The following FCHSD2 variants were observed in gnomAD, a reference collection of about 807,000 sequenced individuals.
FCHSD2 encodes the protein F-BAR and double SH3 domains protein 2.
In FCHSD2, 38 loss-of-function variants were observed where a neutral mutation model predicts 108.1. The ratio of observed to expected loss-of-function variants is 0.35; its 90% CI spans 0.27 to 0.46. FCHSD2 has a LOEUF of 0.46. Ranked by LOEUF, FCHSD2 falls within the 20% of genes least tolerant of loss-of-function variation. The pLI, the probability that FCHSD2 is intolerant of heterozygous loss-of-function variation, is 1.00. For missense variants in FCHSD2, 751 were observed against 897.8 expected (o/e 0.84, Z 2.09); for synonymous variants, 279 against 314.7 (o/e 0.89, Z 1.20).
chr11:73,112,492 G>C (rs1860509257), intron 2 of FCHSD2, among the ~76,000 whole-genome samples: 1 of 152,088 alleles, frequency 6.6e-6, no homozygotes, highest in South Asian at 2.1e-4. Context: ...AATCTGCTTG[G>C]TGTTCTATAT....
At chr11:72,861,889 C>G (rs1198429900) in intron 13 of FCHSD2, among the ~76,000 whole-genome samples, 3 of 149,736 alleles carry the variant, frequency 2.0e-5, no homozygotes, top group African/African-American at 7.4e-5. Context: ...TGAGATCATG[C>G]CATTGCACTC....
chr11:72,979,539 T>C (rs1003984041), intron 8 of FCHSD2, among the ~76,000 whole-genome samples: 7 of 152,158 alleles, frequency 4.6e-5, no homozygotes, highest in Non-Finnish European at 1.0e-4. Context: ...AGAACTAGGA[T>C]GGCTTTGGAT....
chr11:72,891,713 T>C (rs575811555), intron 10 of FCHSD2, among the ~76,000 whole-genome samples: 35 of 152,364 alleles, frequency 2.3e-4, no homozygotes, highest in African/African-American at 6.3e-4. Context: ...TTTGAATCCA[T>C]TGTATGCCAT....
At chr11:73,053,805 G>T (rs1858958494) in intron 3 of FCHSD2, among the ~76,000 whole-genome samples, 1 of 152,140 alleles carries the variant, frequency 6.6e-6, no homozygotes, top group Non-Finnish European at 1.5e-5. Flanking sequence ...TATATTAATA[G>T]AAGATATCTT....
intron 2 of FCHSD2, among the ~76,000 whole-genome samples, chr11:73,114,403 A>G (rs1052440115): frequency 6.6e-6 from 1 of 151,830 alleles, no homozygotes; most frequent in Non-Finnish European, 1.5e-5. Context: ...AGAGGCCCCA[A>G]GAGCCTGCTT....
At position 72,989,719 on chromosome 11, in the gene FCHSD2, ACT is replaced by A. The variant is rs1332544340; in HGVS notation, c.388-624_388-623del. On this transcript the variant is annotated intron_variant, in intron 5 of 19. Transcript: ENST00000409418. ...AACTAAAACAATGTTTAATCAATTA[ACT>A]CTTATAACACACCGGGGCCAAGCAA... 2.6e-5 allele frequency among the ~76,000 whole-genome samples: 4 copies of A among 152,264 alleles called. No individual in the cohort carries two copies. In the East Asian group the frequency reaches 7.7e-4, roughly 29 times the overall value.
At chr11:72,972,681 G>A (rs766281321) in intron 8 of FCHSD2, among the ~76,000 whole-genome samples, 6 of 152,152 alleles carry the variant, frequency 3.9e-5, no homozygotes, top group Admixed American at 6.5e-5. Flanking sequence ...GAGTCACAGG[G>A]AACCAATCAT....
chr11:72,865,859 T>C (rs946873762), intron 13 of FCHSD2, among the ~76,000 whole-genome samples: 5 of 152,204 alleles, frequency 3.3e-5, no homozygotes, highest in African/African-American at 9.7e-5. Context: ...TCAAGTGTGC[T>C]ACACAGTAGT....
chr11:72,861,931 CAAA>C (rs35078687), intron 13 of FCHSD2, among the ~76,000 whole-genome samples: 21 of 109,538 alleles, frequency 1.9e-4, no homozygotes, highest in Admixed American at 2.8e-4. Flanking sequence ...AACGCCGTCT[CAAA>C]AAAAAAAAAA....
At chr11:72,935,914 C>G (rs1856290671) in intron 8 of FCHSD2, among the ~76,000 whole-genome samples, 1 of 152,198 alleles carries the variant, frequency 6.6e-6, no homozygotes, top group Admixed American at 6.5e-5. Context: ...TTACTACTAG[C>G]ATGCAAGATA....
chr11:72,970,120 G>A (rs1017957647), intron 8 of FCHSD2, among the ~76,000 whole-genome samples: 6 of 152,148 alleles, frequency 3.9e-5, no homozygotes, highest in Admixed American at 2.6e-4. Flanking sequence ...ACTAGAGGGA[G>A]GTACTTGATA....
intron 8 of FCHSD2, among the ~76,000 whole-genome samples, chr11:72,937,239 A>C (rs1437488574): frequency 1.3e-5 from 2 of 152,166 alleles, no homozygotes; most frequent in Non-Finnish European, 2.9e-5. Flanking sequence ...AATCAGAAAA[A>C]CGTATAGATT....
chr11:72,967,519 C>T (rs1301329946), intron 8 of FCHSD2, among the ~76,000 whole-genome samples: 1 of 152,048 alleles, frequency 6.6e-6, no homozygotes, highest in Non-Finnish European at 1.5e-5. Context: ...CACAAATGGG[C>T]CACATATTGT....
intron 8 of FCHSD2, among the ~76,000 whole-genome samples, chr11:72,923,235 A>G (rs904130284): frequency 2.6e-5 from 4 of 152,322 alleles, no homozygotes; most frequent in South Asian, 2.1e-4. Context: ...AAAGTTAAAA[A>G]ATAAATAAAT....
chr11:73,060,978 G>A (rs960609738), intron 3 of FCHSD2, among the ~76,000 whole-genome samples: 1 of 152,210 alleles, frequency 6.6e-6, no homozygotes, highest in African/African-American at 2.4e-5. Flanking sequence ...ATATAGAACT[G>A]TTGATAAATA....
intron 8 of FCHSD2, among the ~76,000 whole-genome samples, chr11:72,967,779 TA>T (rs1312845761): frequency 6.6e-6 from 1 of 152,178 alleles, no homozygotes; most frequent in Non-Finnish European, 1.5e-5. Flanking sequence ...GAATTATATC[TA>T]ATTTTTTTTA....
At chr11:72,915,454 C>T (rs917955329) in intron 9 of FCHSD2, among the ~76,000 whole-genome samples, 1 of 152,144 alleles carries the variant, frequency 6.6e-6, no homozygotes, top group East Asian at 1.9e-4. Flanking sequence ...TGCTTATGTT[C>T]ATTGCAGCAC....
At chr11:73,049,086 C>T (rs767275674) in intron 3 of FCHSD2, among the ~76,000 whole-genome samples, 7 of 152,064 alleles carry the variant, frequency 4.6e-5, no homozygotes, top group Non-Finnish European at 7.4e-5. Flanking sequence ...ATGGGTTCAG[C>T]GTAGGATGGT....
At chr11:72,907,228 T>G (rs998698072) in intron 9 of FCHSD2, among the ~76,000 whole-genome samples, 2 of 152,196 alleles carry the variant, frequency 1.3e-5, no homozygotes, top group Non-Finnish European at 2.9e-5. Context: ...TTAAGGAGAT[T>G]TTGGGCTGAG....
Sources: gnomAD v4.1 joint callset for allele counts (sites outside exome capture counted in the v4.1 genomes callset) on GRCh38, gnomAD v4.1.1 for gene constraint, MANE v1.5 for transcripts, NCBI Gene and HGNC (gene_info 2026-07-23, HGNC 2026-07-21) for gene names.